Variants in SHISAL1 observed in about 807,000 individuals in gnomAD.
SHISAL1 encodes the protein shisa like 1.
SHISAL1 carries 9 observed loss-of-function variants against 22.6 expected under a neutral mutation model. That is an observed-to-expected ratio of 0.40 (90% confidence interval 0.24 to 0.70). SHISAL1 has a LOEUF of 0.70. Ranked by LOEUF, SHISAL1 falls within the 30% of genes least tolerant of loss-of-function variation. The pLI, the probability that SHISAL1 is intolerant of heterozygous loss-of-function variation, is 0.39. For missense variants in SHISAL1, 246 were observed against 270.6 expected (o/e 0.91, Z 0.64); for synonymous variants, 119 against 115.4 (o/e 1.03, Z -0.20).
chr22:44,319,248 C>T, the SHISAL1 span, among the ~76,000 whole-genome samples: 1 of 152,218 alleles, frequency 6.6e-6, no homozygotes, highest in African/African-American at 2.4e-5. Context: ...TCCAATGTTC[C>T]CAAAAGGAGG....
intron 1 of SHISAL1, among the ~76,000 whole-genome samples, chr22:44,304,204 T>G (rs1463152462): frequency 6.6e-6 from 1 of 152,122 alleles, no homozygotes; most frequent in Non-Finnish European, 1.5e-5. Flanking sequence ...GAATGCTGCT[T>G]TACTGGGGGC....
At chr22:44,316,180 G>A (rs2055557567), upstream of SHISAL1, among the ~76,000 whole-genome samples, 1 of 152,190 alleles carries the variant, frequency 6.6e-6, no homozygotes, top group African/African-American at 2.4e-5. Flanking sequence ...ACCCAGTTGG[G>A]ACGTGGTGCA....
chr22:44,266,913 C>A (rs1342563301), intron 4 of SHISAL1, among the ~76,000 whole-genome samples: 1 of 152,138 alleles, frequency 6.6e-6, no homozygotes, highest in Non-Finnish European at 1.5e-5. Context: ...AAACATGGAA[C>A]CTTTCTTTGC....
At position 44,248,121 on chromosome 22, in the gene SHISAL1, C is replaced by G. The variant is rs2055018718; in HGVS notation, c.*1564G>C. On this transcript the variant is annotated 3_prime_UTR_variant, in exon 5 of 5. Transcript: ENST00000381176. ...TGTCCCTCGAACTGAGTTCCTGGCA[C>G]TGAGTTCCCGGCAGAGCACTCACTG... 1 of 151,972 alleles carries G rather than the reference C, an allele frequency of 6.6e-6. No homozygotes were observed. Among genetic ancestry groups the G allele is most frequent in the Non-Finnish European group, 1.5e-5 (1 of 68,102 alleles). 9.4% of individuals were successfully genotyped at this position (151,972 alleles called of 1,614,324 possible). A position where few individuals can be genotyped will look rare whatever the true frequency, so the allele number is the denominator to read the frequency against.
chr22:44,256,268 G>A (rs1482159599), intron 4 of SHISAL1, among the ~76,000 whole-genome samples: 1 of 141,164 alleles, frequency 7.1e-6, no homozygotes, highest in South Asian at 2.2e-4. Flanking sequence ...TCAGGCTCTC[G>A]ACTCAAAGTG....
chr22:44,245,648 A>G lies in SHISAL1; in HGVS notation c.*4037T>C, dbSNP rs1601769003. The G allele has an allele frequency of 6.5e-6, 1 of 152,784 alleles. No homozygotes were observed. The highest frequency in any genetic ancestry group is 2.1e-4 in the South Asian group (1 of 4,842). 9.5% of individuals were successfully genotyped at this position (152,784 alleles called of 1,614,324 possible). A position where few individuals can be genotyped will look rare whatever the true frequency, so the allele number is the denominator to read the frequency against. On this transcript the variant is annotated 3_prime_UTR_variant, in exon 5 of 5. Coordinates refer to ENST00000381176, the MANE Select transcript of SHISAL1 (RefSeq NM_001099294.2). ...GGGATGGCAGCTGGAATCCTGAGCC[A>G]ACCTGGACAGCGGCCTGTGGGGGAG...
the SHISAL1 span, among the ~76,000 whole-genome samples, chr22:44,325,058 C>T: frequency 3.3e-5 from 5 of 152,124 alleles, no homozygotes; most frequent in East Asian, 1.9e-4. Context: ...GCCTGGCCAA[C>T]GTGGCGAAAC....
At chr22:44,262,736 G>C (rs374080542) in intron 4 of SHISAL1, among the ~76,000 whole-genome samples, 2 of 152,220 alleles carry the variant, frequency 1.3e-5, no homozygotes, top group Non-Finnish European at 2.9e-5. Context: ...TGGCCCTGGC[G>C]AGAGAGGAGC....
At chr22:44,268,062 G>A (rs962248623) in intron 4 of SHISAL1, among the ~76,000 whole-genome samples, 5 of 152,208 alleles carry the variant, frequency 3.3e-5, no homozygotes, top group East Asian at 1.9e-4. Flanking sequence ...TTCACAACCC[G>A]CTTGTAGCCT....
intron 4 of SHISAL1, among the ~76,000 whole-genome samples, chr22:44,268,071 C>T (rs1160027923): frequency 1.3e-5 from 2 of 152,196 alleles, no homozygotes; most frequent in African/African-American, 2.4e-5. Flanking sequence ...CGCTTGTAGC[C>T]TTCCTTCCTG....
intron 1 of SHISAL1, among the ~76,000 whole-genome samples, chr22:44,308,048 G>A (rs1212973257): frequency 1.3e-5 from 2 of 152,218 alleles, no homozygotes; most frequent in African/African-American, 4.8e-5. Flanking sequence ...ACTGGGTCTA[G>A]GGCAGCAGGG....
upstream of SHISAL1, among the ~76,000 whole-genome samples, chr22:44,316,989 T>C (rs1418147807): frequency 6.6e-6 from 1 of 152,186 alleles, no homozygotes; most frequent in Non-Finnish European, 1.5e-5. Flanking sequence ...CGAAGTTGCC[T>C]TTAGGCCAAT....
chr22:44,309,358 A>C (rs2055501674), intron 1 of SHISAL1, among the ~76,000 whole-genome samples: 1 of 152,228 alleles, frequency 6.6e-6, no homozygotes, highest in African/African-American at 2.4e-5. Flanking sequence ...TCAACAGGGC[A>C]GGGCTCTCTG....
chr22:44,324,479 A>G, the SHISAL1 span, among the ~76,000 whole-genome samples: 1 of 152,212 alleles, frequency 6.6e-6, no homozygotes. Context: ...GGGCTGCAAC[A>G]ATGTCAACAC....
chr22:44,300,353 G>T (rs564112409), intron 2 of SHISAL1, among the ~76,000 whole-genome samples: 1 of 152,360 alleles, frequency 6.6e-6, no homozygotes, highest in South Asian at 2.1e-4. Flanking sequence ...TGGGCTCTCA[G>T]CTCTAGCTGG....
chr22:44,283,706 T>TG, intron 4 of SHISAL1, among the ~76,000 whole-genome samples: 1 of 151,904 alleles, frequency 6.6e-6, no homozygotes, highest in South Asian at 2.1e-4. Context: ...GGTGCGGGAG[T>TG]GGGGGAGGAC....
intron 3 of SHISAL1, among the ~76,000 whole-genome samples, chr22:44,289,892 G>A (rs1249124517): frequency 1.3e-5 from 2 of 152,238 alleles, no homozygotes; most frequent in Admixed American, 6.5e-5. Context: ...ACCAAAGGCT[G>A]TTTTATGGAG....
At chr22:44,315,041 G>C (rs2055549392), upstream of SHISAL1, among the ~76,000 whole-genome samples, 1 of 152,180 alleles carries the variant, frequency 6.6e-6, no homozygotes, top group Non-Finnish European at 1.5e-5. Context: ...GTGGGGTGAA[G>C]TGGGCCCTGC....
chr22:44,252,577 C>T (rs1175465194), intron 4 of SHISAL1, among the ~76,000 whole-genome samples: 2 of 147,642 alleles, frequency 1.4e-5, no homozygotes, highest in South Asian at 2.1e-4. Flanking sequence ...AGAACTAAGA[C>T]CAAATGCATC....
Sources: gnomAD v4.1 joint callset for allele counts (sites outside exome capture counted in the v4.1 genomes callset) on GRCh38, gnomAD v4.1.1 for gene constraint, MANE v1.5 for transcripts, NCBI Gene and HGNC (gene_info 2026-07-23, HGNC 2026-07-21) for gene names.